RAD51B: variants seen among roughly 807,000 people sequenced by gnomAD.
RAD51B encodes RAD51 paralog B, also known as DNA repair protein RAD51 homolog 2.
Under a neutral mutation model 42.2 loss-of-function variants are expected in RAD51B, and 38 were observed. The observed-to-expected ratio is 0.90, with a 90% CI of 0.70 to 1.18. The LOEUF (loss-of-function observed/expected upper bound fraction) is 1.18. Ranked by LOEUF, RAD51B falls within the 50% of genes most tolerant of loss-of-function variation. RAD51B has a pLI of 0.00. For synonymous variants in RAD51B, 154 were observed against 145.2 expected (o/e 1.06, Z -0.43); for missense variants, 373 against 400.7 (o/e 0.93, Z 0.59).
intron 4 of RAD51B, among the ~76,000 whole-genome samples, chr14:67,850,163 T>G (rs2041757070): frequency 6.6e-6 from 1 of 152,150 alleles, no homozygotes; most frequent in South Asian, 2.1e-4. Context: ...GCCTGGCTAA[T>G]TTTTTAATTA....
chr14:68,477,600 A>T (rs758195336), intron 10 of RAD51B, 48 bp from the exon 11 acceptor site: 2 of 1,580,120 alleles, frequency 1.3e-6, no homozygotes, highest in Non-Finnish European at 1.7e-6. Context: ...TGCATTTCAT[A>T]ACAATTTTTT....
chr14:68,342,452 ACATT>A (rs1481267959), intron 8 of RAD51B, among the ~76,000 whole-genome samples: 3 of 152,158 alleles, frequency 2.0e-5, no homozygotes, highest in African/African-American at 7.2e-5. Flanking sequence ...AGCACTTCGC[ACATT>A]CAGATATTGT....
Position 68,427,362 on chromosome 14 carries a change from C to T in RAD51B, c.957+15835C>T, listed in dbSNP as rs140566719. On this transcript the variant is annotated intron_variant, in intron 9 of 10. Transcript: ENST00000471583. ...GACAGCTGAAGCAGCAAGACTAACC[C>T]GTAAGAGCTGCTGTGAGGGTGAGAC... Among the ~76,000 whole-genome samples, 307 of 152,282 alleles carry T rather than the reference C, an allele frequency of 2.0e-3. 1 individual carries two copies. Among genetic ancestry groups the T allele is most frequent in the African/African-American group, 7.1e-3 (295 of 41,560 alleles).
rs1469031748 is a variant in RAD51B, at chr14:68,540,922, AAG to A, written c.1037-53558_1037-53557del. On this transcript the variant is annotated intron_variant, in intron 10 of 10. Transcript: ENST00000487270. ...AGGGCCAGATGATGTGAAGTTTGGA[AAG>A]AGAGGCAGGGCATGCTTTCTTCACC... The A allele has an allele frequency of 6.1e-6, 6 of 985,320 alleles. No homozygotes were observed. In the African/African-American group the frequency reaches 8.7e-5, roughly 14 times the overall value. 61.0% of individuals were successfully genotyped at this position (985,320 alleles called of 1,614,324 possible).
intron 8 of RAD51B, among the ~76,000 whole-genome samples, chr14:68,309,338 G>A (rs1449860717): frequency 1.3e-5 from 2 of 152,164 alleles, no homozygotes; most frequent in Non-Finnish European, 2.9e-5. Flanking sequence ...TAAAAGCCAA[G>A]TCAATGGCAC....
intron 7 of RAD51B, among the ~76,000 whole-genome samples, chr14:68,287,612 A>C (rs2081437754): frequency 6.6e-6 from 1 of 152,220 alleles, no homozygotes; most frequent in South Asian, 2.1e-4. Flanking sequence ...GCGTGTTTTC[A>C]ATAAGCCTTA....
At chr14:68,550,328 G>GGACC (rs1316471486) in intron 10 of RAD51B, among the ~76,000 whole-genome samples, 2 of 152,200 alleles carry the variant, frequency 1.3e-5, no homozygotes, top group African/African-American at 2.4e-5. Flanking sequence ...GTCTGTTGGG[G>GGACC]GACCTTAAGT....
chr14:68,262,852 C>T lies in RAD51B; in HGVS notation c.757-29032C>T, dbSNP rs75246994. 9.5e-3 allele frequency among the ~76,000 whole-genome samples: 1,451 copies of T among 152,270 alleles called. 27 individuals are homozygous for T. The highest frequency in any genetic ancestry group is 0.057 in the East Asian group (297 of 5,186). Reference sequence around the variant, plus strand: ...GTTTATTGCCATTAAATTATATCCCCTTTTTCCAATCATACTTCTCTACGA... The same window carrying T: ...GTTTATTGCCATTAAATTATATCCCTTTTTTCCAATCATACTTCTCTACGA... On this transcript the variant is annotated intron_variant, in intron 7 of 10. Transcript: ENST00000471583.
intron 7 of RAD51B, among the ~76,000 whole-genome samples, chr14:68,211,014 C>T (rs2079694007): frequency 6.6e-6 from 1 of 152,180 alleles, no homozygotes; most frequent in South Asian, 2.1e-4. Flanking sequence ...CTTTCATTTT[C>T]AGGTTGTCAA....
intron 4 of RAD51B, among the ~76,000 whole-genome samples, chr14:67,851,137 G>A (rs72725114): frequency 0.3 from 45,431 of 151,846 alleles, 7,226 homozygotes; most frequent in Middle Eastern, 0.43. Context: ...GGCTGGTTGC[G>A]TCGGTTCAAC....
intron 7 of RAD51B, among the ~76,000 whole-genome samples, chr14:68,219,229 G>T (rs1166851710): frequency 6.6e-6 from 1 of 152,162 alleles, no homozygotes; most frequent in Non-Finnish European, 1.5e-5. Flanking sequence ...GAAACCGCTA[G>T]GAAATTGGAA....
At chr14:68,516,435 C>T (rs1317246241) in intron 10 of RAD51B, among the ~76,000 whole-genome samples, 1 of 152,194 alleles carries the variant, frequency 6.6e-6, no homozygotes, top group Non-Finnish European at 1.5e-5. Flanking sequence ...CAGCTGGATT[C>T]TCATATCGGC....
intron 10 of RAD51B, among the ~76,000 whole-genome samples, chr14:68,643,813 T>C (rs6573848): frequency 0.9 from 137,500 of 152,274 alleles, 62,299 homozygotes; most frequent in African/African-American, 0.97. Context: ...ACTACAACAT[T>C]AGATCCCAGC....
intron 9 of RAD51B, among the ~76,000 whole-genome samples, chr14:68,439,256 A>G (rs1164505806): frequency 6.6e-6 from 1 of 151,768 alleles, no homozygotes; most frequent in African/African-American, 2.4e-5. Flanking sequence ...GTTCCTCTCC[A>G]CGATCCCTTT....
In RAD51B at chr14:68,468,064, T is replaced by G. The variant is rs554383556; in HGVS notation, c.958-108T>G. The G allele has an allele frequency of 1.5e-4, 135 of 918,858 alleles. No homozygotes were observed. The African/African-American group carries it at 2.1e-3, about 14-fold the overall frequency. The allele number at this position is 918,858 out of a possible 1,614,324, so 56.9% of individuals were successfully genotyped here. ...TTTTTTTTTTTTTAAATAAGCCTTG[T>G]GACTTACAGTCCTATGTTACCACTT... On this transcript the variant is annotated intron_variant, in intron 9 of 10. Transcript: ENST00000471583.
At chr14:68,252,242 T>C (rs1423994214) in intron 7 of RAD51B, among the ~76,000 whole-genome samples, 2 of 152,218 alleles carry the variant, frequency 1.3e-5, no homozygotes, top group African/African-American at 4.8e-5. Flanking sequence ...ACGTTCTGAT[T>C]GTCTTGGAAA....
intron 7 of RAD51B, chr14:67,908,387 A>G (rs1163142684): frequency 6.6e-6 from 1 of 152,230 alleles, no homozygotes; most frequent in Non-Finnish European, 1.5e-5. Flanking sequence ...AGACAGGATT[A>G]GGGAAGCAAT....
chr14:68,460,583 A>G (rs909656510), intron 9 of RAD51B, among the ~76,000 whole-genome samples: 1 of 152,152 alleles, frequency 6.6e-6, no homozygotes, highest in Non-Finnish European at 1.5e-5. Flanking sequence ...GTTGCCTCAG[A>G]TGAGGGCCAC....
chr14:68,534,729 C>T (rs1219044465), intron 10 of RAD51B, among the ~76,000 whole-genome samples: 3 of 152,132 alleles, frequency 2.0e-5, no homozygotes, highest in African/African-American at 7.2e-5. Flanking sequence ...CATACCTTAT[C>T]ATCTGTCCTC....
Sources: gnomAD v4.1 joint callset for allele counts (sites outside exome capture counted in the v4.1 genomes callset) on GRCh38, gnomAD v4.1.1 for gene constraint, MANE v1.5 for transcripts, NCBI Gene and HGNC (gene_info 2026-07-23, HGNC 2026-07-21) for gene names.